Variants in CHST8 observed in about 807,000 individuals in gnomAD.
The protein encoded by CHST8 is GALNAC-4-ST1.
In CHST8, 10 loss-of-function variants were observed where a neutral mutation model predicts 15.0. That is an observed-to-expected ratio of 0.67 (90% CI 0.41 to 1.13). The LOEUF (loss-of-function observed/expected upper bound fraction) is 1.13, where lower values mean the gene tolerates loss of function less well. CHST8 is among the 50% of genes most tolerant of loss of function. CHST8 has a pLI of 0.00. For missense variants in CHST8, 634 were observed against 608.2 expected, an observed-to-expected ratio of 1.04 and a Z score of -0.45; for synonymous variants, 259 against 256.6, an observed-to-expected ratio of 1.01 and a Z score of -0.09.
intron 3 of CHST8, among the ~76,000 whole-genome samples, chr19:33,735,356 AAAT>A (rs1974063568): frequency 3.9e-5 from 6 of 152,234 alleles, no homozygotes; most frequent in African/African-American, 1.2e-4. Context: ...GGAAGCCGTC[AAAT>A]GCACCCCTGG....
chr19:33,697,392 C>A (rs1415631812), intron 3 of CHST8, among the ~76,000 whole-genome samples: 1 of 151,426 alleles, frequency 6.6e-6, no homozygotes, highest in African/African-American at 2.4e-5. Context: ...TCTTCACACC[C>A]GTCTAACTTT....
chr19:33,760,606 A>G (rs1017562530), intron 3 of CHST8, among the ~76,000 whole-genome samples: 1 of 151,956 alleles, frequency 6.6e-6, no homozygotes, highest in South Asian at 2.1e-4. Flanking sequence ...GGTGTAAACC[A>G]CTGTACCTGG....
chr19:33,633,582 A>AT (rs1334773740), intron 1 of CHST8, among the ~76,000 whole-genome samples: 3 of 107,094 alleles, frequency 2.8e-5, no homozygotes, highest in Non-Finnish European at 6.8e-5. Flanking sequence ...TTTTGTAGAG[A>AT]TGGGGGGGTC....
At chr19:33,724,582 C>T (rs762504694) in intron 3 of CHST8, among the ~76,000 whole-genome samples, 4 of 152,200 alleles carry the variant, frequency 2.6e-5, no homozygotes, top group Admixed American at 6.5e-5. Flanking sequence ...TGAGTGTGGG[C>T]GCAAGCCTGG....
intron 1 of CHST8, among the ~76,000 whole-genome samples, chr19:33,650,120 T>C (rs1409542640): frequency 6.6e-6 from 1 of 152,166 alleles, no homozygotes; most frequent in African/African-American, 2.4e-5. Context: ...TGGTCAGTTG[T>C]TGTGTCTAAA....
chr19:33,634,860 G>T (rs1972172640), intron 1 of CHST8, among the ~76,000 whole-genome samples: 1 of 152,068 alleles, frequency 6.6e-6, no homozygotes, highest in Admixed American at 6.5e-5. Flanking sequence ...CAACTGGGCT[G>T]CCGTGGTGAG....
intron 1 of CHST8, among the ~76,000 whole-genome samples, chr19:33,655,037 T>A (rs1411048691): frequency 6.6e-6 from 1 of 152,148 alleles, no homozygotes; most frequent in African/African-American, 2.4e-5. Flanking sequence ...GGTGGGAGGA[T>A]CACTTGAGCC....
chr19:33,771,844 C>T (rs1358564397), intron 4 of CHST8, 113 bp from the exon 5 acceptor site: 3 of 1,271,224 alleles, frequency 2.4e-6, no homozygotes, highest in African/African-American at 1.5e-5. Context: ...GTCAGCCTGT[C>T]TCCCTCACCT....
chr19:33,773,177 G>C lies in CHST8; in HGVS notation c.*114G>C. 8.0e-7 allele frequency: 1 copy of C among 1,256,774 alleles called. No individual in the cohort carries two copies. Among genetic ancestry groups the C allele is most frequent in the Non-Finnish European group, 1.1e-6 (1 of 934,468 alleles). 77.9% of individuals were successfully genotyped at this position (1,256,774 alleles called of 1,614,324 possible). A position where few individuals can be genotyped will look rare whatever the true frequency, so the allele number is the denominator to read the frequency against. On this transcript the variant is annotated 3_prime_UTR_variant, in exon 5 of 5. Transcript: ENST00000650847. ...AGCAACAGGGCTCTGAGGACGTGAG[G>C]AGCCATCGCTGTGGGAGGCAGCAGG... is the stretch of plus-strand genomic sequence containing the variant.
At chr19:33,732,634 T>C (rs912524404) in intron 3 of CHST8, among the ~76,000 whole-genome samples, 37 of 151,780 alleles carry the variant, frequency 2.4e-4, no homozygotes, top group Non-Finnish European at 2.5e-4. Flanking sequence ...TCTGGGAGGG[T>C]CCCAAACACA....
intron 2 of CHST8, among the ~76,000 whole-genome samples, chr19:33,672,340 G>A (rs1972748504): frequency 6.6e-6 from 1 of 152,022 alleles, no homozygotes; most frequent in Non-Finnish European, 1.5e-5. Flanking sequence ...TAGGATTACA[G>A]GCGCACACCA....
At chr19:33,646,052 C>T (rs1210994986) in intron 1 of CHST8, among the ~76,000 whole-genome samples, 2 of 152,034 alleles carry the variant, frequency 1.3e-5, no homozygotes, top group Non-Finnish European at 2.9e-5. Context: ...TGCTGGAGCC[C>T]AGGAGTTTGA....
intron 3 of CHST8, among the ~76,000 whole-genome samples, chr19:33,755,256 C>G (rs887849117): frequency 2.0e-5 from 3 of 152,202 alleles, no homozygotes; most frequent in Non-Finnish European, 2.9e-5. Context: ...GTGCTCACCC[C>G]GCCCCATACT....
intron 1 of CHST8, among the ~76,000 whole-genome samples, chr19:33,637,543 C>T (rs1183703352): frequency 6.6e-6 from 1 of 151,436 alleles, no homozygotes; most frequent in Non-Finnish European, 1.5e-5. Context: ...GCTGGGACTA[C>T]AGGCGCACGC....
chr19:33,672,765 C>T (rs750134351), intron 2 of CHST8, among the ~76,000 whole-genome samples: 21 of 152,174 alleles, frequency 1.4e-4, no homozygotes, highest in Non-Finnish European at 2.9e-4. Context: ...GAGCAGGACG[C>T]TTGGCGTGGA....
At chr19:33,765,517 G>T (rs1270645741) in intron 3 of CHST8, among the ~76,000 whole-genome samples, 1 of 87,354 alleles carries the variant, frequency 1.1e-5, no homozygotes, top group Non-Finnish European at 2.3e-5. Context: ...CAGTCTTTGT[G>T]TGTGTGTGTG....
intron 3 of CHST8, among the ~76,000 whole-genome samples, chr19:33,766,819 G>A (rs1974856610): frequency 6.6e-6 from 1 of 152,230 alleles, no homozygotes; most frequent in South Asian, 2.1e-4. Context: ...ACGTGGAGTG[G>A]ACAGCGCCAA....
intron 3 of CHST8, among the ~76,000 whole-genome samples, chr19:33,720,007 G>A (rs1423287423): frequency 6.6e-6 from 1 of 151,884 alleles, no homozygotes; most frequent in Non-Finnish European, 1.5e-5. Context: ...GGAGAGCTTC[G>A]GCACTACATG....
chr19:33,674,697 G>A (rs1007815556), intron 2 of CHST8, among the ~76,000 whole-genome samples: 3 of 152,144 alleles, frequency 2.0e-5, no homozygotes, highest in East Asian at 1.9e-4. Context: ...CTGCTGGGCC[G>A]CCACTCTGGA....
Sources: allele counts gnomAD v4.1 joint callset (sites outside exome capture counted in the v4.1 genomes callset), GRCh38; gene constraint gnomAD v4.1.1; transcripts MANE v1.5; gene names NCBI Gene and HGNC (gene_info 2026-07-23, HGNC 2026-07-21).